UBTD2: variants seen among roughly 807,000 people sequenced by gnomAD.
UBTD2 encodes the protein ubiquitin domain containing 2.
In UBTD2, 9 loss-of-function variants were observed where a neutral mutation model predicts 19.8. That is an observed-to-expected ratio of 0.46 (90% CI 0.27 to 0.79). UBTD2 has a LOEUF of 0.79. UBTD2 is among the 30% of genes least tolerant of loss of function. UBTD2 has a pLI of 0.14. For missense variants in UBTD2, 250 were observed against 300.4 expected (o/e 0.83, Z 1.24); for synonymous variants, 98 against 103.9 (o/e 0.94, Z 0.35).
chr5:172,237,927 A>C (rs1343558605), intron 1 of UBTD2, among the ~76,000 whole-genome samples: 1 of 152,130 alleles, frequency 6.6e-6, no homozygotes, highest in East Asian at 1.9e-4. Flanking sequence ...CCCTTCCTTA[A>C]ATGTTAAAGA....
chr5:172,270,350 A>ATTTTTT lies in UBTD2; in HGVS notation c.70+13240_70+13245dup, dbSNP rs758440849. ...AACTAGAAGTATTTAGAATTTTAGA[A>ATTTTTT]TTTTTTTTTTTTTTTTTTTTTTTTG... On this transcript the variant is annotated intron_variant, in intron 1 of 2. Coordinates refer to ENST00000393792, the MANE Select transcript of UBTD2 (RefSeq NM_152277.3). Among the ~76,000 whole-genome samples, 107 of 98,752 alleles carry ATTTTTT rather than the reference A, an allele frequency of 1.1e-3. 1 individual carries two copies. The highest frequency in any genetic ancestry group is 4.2e-3 in the African/African-American group (97 of 23,250). The allele number at this position is 98,752 out of a possible 152,430, so 64.8% of individuals were successfully genotyped here.
intron 2 of UBTD2, among the ~76,000 whole-genome samples, chr5:172,232,975 T>G (rs2113892286): frequency 6.6e-6 from 1 of 151,534 alleles, no homozygotes; most frequent in South Asian, 2.1e-4. Context: ...ACCCTGTCTC[T>G]ACTAAAAATA....
At chr5:172,218,770 G>T (rs1410519000) in intron 2 of UBTD2, among the ~76,000 whole-genome samples, 3 of 119,076 alleles carry the variant, frequency 2.5e-5, no homozygotes, top group East Asian at 2.3e-4. Context: ...GTCAGACCCT[G>T]TCACCAAAAA....
chr5:172,249,168 C>T (rs898840146), intron 1 of UBTD2, among the ~76,000 whole-genome samples: 1 of 151,884 alleles, frequency 6.6e-6, no homozygotes, highest in Non-Finnish European at 1.5e-5. Flanking sequence ...AAGGCCGAGG[C>T]GGGTGTATCA....
At chr5:172,251,855 A>C (rs1330911490) in intron 1 of UBTD2, among the ~76,000 whole-genome samples, 1 of 152,238 alleles carries the variant, frequency 6.6e-6, no homozygotes, top group Non-Finnish European at 1.5e-5. Context: ...TTCAGAATAC[A>C]GATGGTTCCT....
upstream of UBTD2, chr5:172,283,765 A>T: frequency 1.2e-6 from 1 of 845,244 alleles, no homozygotes; most frequent in Non-Finnish European, 1.5e-6. The surrounding 1 kb of genome is among the most constrained non-coding windows in gnomAD (Gnocchi z 4.3). Flanking sequence ...AGCTCCGGAC[A>T]GGCGCGCCGC....
chr5:172,258,114 T>G (rs1368089568), intron 1 of UBTD2, among the ~76,000 whole-genome samples: 1 of 152,204 alleles, frequency 6.6e-6, no homozygotes, highest in African/African-American at 2.4e-5. Context: ...TCCTAGGGTT[T>G]CTTCTAGGGT....
intron 1 of UBTD2, among the ~76,000 whole-genome samples, chr5:172,246,751 CTTTTTTTTTTTTTTTTTTTTT>C (rs70982379): frequency 3.2e-5 from 2 of 62,482 alleles, no homozygotes; most frequent in Admixed American, 2.3e-4. Flanking sequence ...GCCGAGATTG[CTTTTTTTTTTTTTTTTTTTTT>C]TTTTTTTTTG....
chr5:172,266,912 C>T (rs888666256), intron 1 of UBTD2, among the ~76,000 whole-genome samples: 23 of 151,920 alleles, frequency 1.5e-4, no homozygotes, highest in African/African-American at 3.6e-4. Flanking sequence ...CAGTGGTGTG[C>T]GCCTATAATC....
intron 1 of UBTD2, among the ~76,000 whole-genome samples, chr5:172,251,673 T>C (rs1183105785): frequency 3.3e-5 from 5 of 151,362 alleles, no homozygotes. Context: ...CCAGCAAAGC[T>C]GTTCTTCAGA....
intron 2 of UBTD2, among the ~76,000 whole-genome samples, chr5:172,215,039 C>T (rs1245409157): frequency 6.6e-6 from 1 of 152,112 alleles, no homozygotes; most frequent in African/African-American, 2.4e-5. Context: ...TAGCAGACAC[C>T]CAGGAGCTGA....
chr5:172,210,918 T>C lies in UBTD2; in HGVS notation c.*912A>G, dbSNP rs1771430516. The C allele has an allele frequency of 6.6e-6, 1 of 152,112 alleles. No homozygotes were observed. The highest frequency in any genetic ancestry group is 2.1e-4 in the South Asian group (1 of 4,818). 9.4% of individuals were successfully genotyped at this position (152,112 alleles called of 1,614,324 possible). A position where few individuals can be genotyped will look rare whatever the true frequency, so the allele number is the denominator to read the frequency against. ...TTGGTGTCTCCTGACCCAGGAACCA[T>C]GCATTTGGGGGTTATACTTAGCTAT... is the stretch of plus-strand genomic sequence containing the variant. On this transcript the variant is annotated 3_prime_UTR_variant, in exon 3 of 3. Transcript: ENST00000393792.
intron 1 of UBTD2, among the ~76,000 whole-genome samples, chr5:172,263,511 G>A (rs1033924143): frequency 6.6e-6 from 1 of 152,150 alleles, no homozygotes; most frequent in Non-Finnish European, 1.5e-5. Flanking sequence ...AACTTGAGTA[G>A]GGGCCGGGTG....
At chr5:172,233,717 A>G (rs918317804) in intron 2 of UBTD2, among the ~76,000 whole-genome samples, 1 of 150,666 alleles carries the variant, frequency 6.6e-6, no homozygotes, top group Non-Finnish European at 1.5e-5. Flanking sequence ...AGCTTACAAA[A>G]TCTAAACTGA....
intron 2 of UBTD2, among the ~76,000 whole-genome samples, chr5:172,224,298 CTTTTTTTTT>C (rs35105814): frequency 2.5e-5 from 3 of 121,650 alleles, no homozygotes; most frequent in African/African-American, 6.2e-5. Context: ...TTTTTCATTT[CTTTTTTTTT>C]TTTTTTTTTT....
chr5:172,254,258 C>A (rs1267496596), intron 1 of UBTD2, among the ~76,000 whole-genome samples: 1 of 152,066 alleles, frequency 6.6e-6, no homozygotes, highest in Admixed American at 6.6e-5. Flanking sequence ...CGCCACCACG[C>A]CCGGTTAATT....
intron 1 of UBTD2, among the ~76,000 whole-genome samples, chr5:172,259,211 C>T (rs1380505036): frequency 6.6e-6 from 1 of 151,998 alleles, no homozygotes; most frequent in Admixed American, 6.6e-5. Context: ...GGTGCCACCT[C>T]GGCTGACTGC....
chr5:172,224,156 A>C (rs949299814), intron 2 of UBTD2, among the ~76,000 whole-genome samples: 5 of 152,032 alleles, frequency 3.3e-5, no homozygotes, highest in Non-Finnish European at 5.9e-5. Context: ...GTTCCCACCC[A>C]AATCTCGTCT....
intron 1 of UBTD2, among the ~76,000 whole-genome samples, chr5:172,252,012 C>T (rs1451263030): frequency 6.6e-6 from 1 of 152,160 alleles, no homozygotes; most frequent in Non-Finnish European, 1.5e-5. Flanking sequence ...ACAATTAGAA[C>T]AGTACCTGTC....
Sources: gnomAD v4.1 joint callset for allele counts (sites outside exome capture counted in the v4.1 genomes callset) on GRCh38, gnomAD v4.1.1 for gene constraint, Gnocchi (gnomAD v3.1) non-coding constraint, MANE v1.5 for transcripts, NCBI Gene and HGNC (gene_info 2026-07-23, HGNC 2026-07-21) for gene names.